Variants in LIPA observed in about 807,000 individuals in gnomAD.
LIPA encodes lipase A, lysosomal acid type, also known as lysosomal acid lipase/cholesteryl ester hydrolase.
Under a neutral mutation model 40.6 loss-of-function variants are expected in LIPA, and 26 were observed. The ratio of observed to expected loss-of-function variants is 0.64; its 90% confidence interval spans 0.47 to 0.89. LIPA has a LOEUF of 0.89. Among genes scored for constraint, LIPA ranks in the 40% least tolerant of loss-of-function variants. The pLI is 0.00. For synonymous variants in LIPA, 188 were observed against 168.4 expected, an observed-to-expected ratio of 1.12 and a Z score of -0.90; for missense variants, 455 against 479.6, an observed-to-expected ratio of 0.95 and a Z score of 0.48.
chr10:89,307,624 C>T lies in LIPA; in HGVS notation c.-2+34987G>A, dbSNP rs955265876. ...GGTGATAGAATTATTTCTCGATTGA[C>T]TTCTTGAGTGCAATTTGAACTGTAA... On this transcript the variant is annotated intron_variant, in intron 1 of 5. Transcript: ENST00000282673. 25 of 380,356 alleles carry T rather than the reference C, an allele frequency of 6.6e-5. 1 individual carries two copies. The highest frequency in any genetic ancestry group is 4.8e-4 in the East Asian group (12 of 24,804). The allele number at this position is 380,356 out of a possible 1,614,324, so 23.6% of individuals were successfully genotyped here.
intron 1 of LIPA, among the ~76,000 whole-genome samples, chr10:89,280,978 A>AT (rs1175139481): frequency 6.6e-6 from 1 of 152,284 alleles, no homozygotes; most frequent in African/African-American, 2.4e-5. Context: ...AAGTACAAGA[A>AT]GAAAAAGCAC....
chr10:89,246,382 T>A (rs968411225), intron 2 of LIPA, among the ~76,000 whole-genome samples: 1 of 152,220 alleles, frequency 6.6e-6, no homozygotes, highest in Admixed American at 6.5e-5. Flanking sequence ...ATAATTCAAT[T>A]ATCCAGGGGA....
chr10:89,350,528 A>C (rs1843952567), intron 2 of LIPA, among the ~76,000 whole-genome samples: 1 of 151,930 alleles, frequency 6.6e-6, no homozygotes, highest in Admixed American at 6.6e-5. Flanking sequence ...GATGGTCTCG[A>C]ACTCCAGACC....
intron 2 of LIPA, among the ~76,000 whole-genome samples, chr10:89,247,044 G>A (rs981979609): frequency 2.0e-5 from 3 of 152,020 alleles, no homozygotes; most frequent in Non-Finnish European, 2.9e-5. Flanking sequence ...CATATTACCT[G>A]GTGAGAAAAG....
At chr10:89,233,821 G>A (rs1377676539) in intron 3 of LIPA, among the ~76,000 whole-genome samples, 2 of 152,124 alleles carry the variant, frequency 1.3e-5, no homozygotes, top group Admixed American at 6.5e-5. Flanking sequence ...AGCCAAGATC[G>A]CACCACTGGA....
intron 1 of LIPA, among the ~76,000 whole-genome samples, chr10:89,331,453 G>A (rs907042501): frequency 6.6e-5 from 10 of 152,148 alleles, no homozygotes; most frequent in Admixed American, 2.0e-4. Context: ...GATTACAGGC[G>A]TGAGCCTCCG....
intron 2 of LIPA, among the ~76,000 whole-genome samples, chr10:89,402,048 T>C (rs759647450): frequency 1.2e-4 from 18 of 152,196 alleles, no homozygotes; most frequent in South Asian, 2.1e-4. Context: ...ATTCTACAAA[T>C]AGGACTCATA....
Position 89,392,638 on chromosome 10 carries a change from A to G in LIPA, c.61+20153T>C, listed in dbSNP as rs927678061. 18 of 1,550,180 alleles carry G rather than the reference A, an allele frequency of 1.2e-5. No individual in the cohort carries two copies. The African/African-American group carries it at 1.5e-4, about 13-fold the overall frequency. On this transcript the variant is annotated intron_variant, in intron 2 of 8. Coordinates refer to the LIPA transcript ENST00000371837. ...GTTTAAACGTAACTGAAAATCCACAAGACAGAATAGCCAGATCTCAGAGGA... is the reference window on the plus strand; with the variant it reads ...GTTTAAACGTAACTGAAAATCCACAGGACAGAATAGCCAGATCTCAGAGGA...
intron 2 of LIPA, among the ~76,000 whole-genome samples, chr10:89,355,293 T>G (rs1396878577): frequency 6.6e-6 from 1 of 152,196 alleles, no homozygotes; most frequent in Non-Finnish European, 1.5e-5. Flanking sequence ...TATAATCTAA[T>G]GTCTTCCAAA....
At chr10:89,392,847 T>C in intron 2 of LIPA, 2 of 902,692 alleles carry the variant, frequency 2.2e-6, no homozygotes, top group Non-Finnish European at 1.8e-6. Flanking sequence ...TATCTGCTTA[T>C]GGACTGAATG....
At chr10:89,233,496 A>C (rs1175894980) in intron 3 of LIPA, among the ~76,000 whole-genome samples, 1 of 152,268 alleles carries the variant, frequency 6.6e-6, no homozygotes, top group East Asian at 1.9e-4. Context: ...AATATCAAGA[A>C]GTGATTTGAA....
chr10:89,270,257 C>A (rs1843258610), intron 1 of LIPA, among the ~76,000 whole-genome samples: 1 of 152,154 alleles, frequency 6.6e-6, no homozygotes, highest in Non-Finnish European at 1.5e-5. Context: ...CCTTCATTGT[C>A]CCATTTTAGG....
intron 2 of LIPA, among the ~76,000 whole-genome samples, chr10:89,397,360 T>A (rs1338166105): frequency 1.3e-5 from 2 of 152,158 alleles, no homozygotes; most frequent in African/African-American, 2.4e-5. Context: ...AAAATTAAAA[T>A]TTTAATTTTA....
intron 5 of LIPA, among the ~76,000 whole-genome samples, chr10:89,226,359 C>T (rs1842770397): frequency 6.6e-6 from 1 of 152,150 alleles, no homozygotes; most frequent in Non-Finnish European, 1.5e-5. Context: ...GGACAGGTTC[C>T]TAGTCCCTAA....
chr10:89,375,705 C>T (rs1284253924), intron 2 of LIPA, among the ~76,000 whole-genome samples: 1 of 152,132 alleles, frequency 6.6e-6, no homozygotes, highest in African/African-American at 2.4e-5. Context: ...GTTTCCTTTC[C>T]CTCATTCCCC....
intron 1 of LIPA, among the ~76,000 whole-genome samples, chr10:89,275,090 G>A (rs1237789693): frequency 6.6e-6 from 1 of 152,170 alleles, no homozygotes. Flanking sequence ...GCTGAACTGT[G>A]TTTCCCAGAA....
At chr10:89,319,014 A>G (rs1843556753) in intron 1 of LIPA, among the ~76,000 whole-genome samples, 2 of 152,228 alleles carry the variant, frequency 1.3e-5, no homozygotes, top group South Asian at 4.1e-4. Flanking sequence ...TTTGAAACCA[A>G]TGAGAACAAA....
upstream of LIPA, among the ~76,000 whole-genome samples, chr10:89,345,226 T>A (rs554115927): frequency 2.3e-4 from 35 of 151,216 alleles, no homozygotes; most frequent in African/African-American, 8.3e-4. Flanking sequence ...AAAGAAAAAA[T>A]TAAGTTTTAA....
intron 2 of LIPA, among the ~76,000 whole-genome samples, chr10:89,380,809 C>T (rs557669820): frequency 6.6e-6 from 1 of 152,274 alleles, no homozygotes; most frequent in Admixed American, 6.5e-5. Flanking sequence ...GGACTTTAGG[C>T]TCTCAGCATT....
Sources: allele counts gnomAD v4.1 joint callset (sites outside exome capture counted in the v4.1 genomes callset), GRCh38; gene constraint gnomAD v4.1.1; transcripts MANE v1.5; gene names NCBI Gene and HGNC (gene_info 2026-07-23, HGNC 2026-07-21).